The following ZNF385D variants were observed in gnomAD, a reference collection of about 807,000 sequenced individuals.
ZNF385D encodes zinc finger protein 659.
ZNF385D carries 15 observed loss-of-function variants against 35.8 expected under a neutral mutation model. The ratio of observed to expected loss-of-function variants is 0.42; its 90% CI spans 0.28 to 0.64. The LOEUF is 0.64. Ranked by LOEUF, ZNF385D falls within the 30% of genes least tolerant of loss-of-function variation. The probability of loss-of-function intolerance (pLI) is 0.23; values close to 1 mark genes in which losing one functional copy is unlikely to be tolerated. For synonymous variants in ZNF385D, 212 were observed against 186.8 expected (o/e 1.13, Z -1.10); for missense variants, 474 against 494.6 (o/e 0.96, Z 0.39).
chr3:22,014,057 G>A (rs1165286461), intron 3 of ZNF385D, among the ~76,000 whole-genome samples: 1 of 152,102 alleles, frequency 6.6e-6, no homozygotes, highest in Non-Finnish European at 1.5e-5. Context: ...TCAGGAATGG[G>A]AAGAAATCTT....
intron 2 of ZNF385D, among the ~76,000 whole-genome samples, chr3:22,239,033 C>T (rs1044271842): frequency 6.6e-6 from 1 of 150,844 alleles, no homozygotes; most frequent in African/African-American, 2.5e-5. Flanking sequence ...GGATCATAGG[C>T]TTTAGACAAC....
intron 2 of ZNF385D, among the ~76,000 whole-genome samples, chr3:22,256,303 T>C (rs1201288320): frequency 9.3e-5 from 14 of 151,300 alleles, no homozygotes; most frequent in Non-Finnish European, 1.9e-4. Flanking sequence ...CACTAATCTA[T>C]AAGGGTACTT....
Position 21,867,948 on chromosome 3 carries a change from G to C in ZNF385D, c.326-202920C>G, listed in dbSNP as rs567056414. On this transcript the variant is annotated intron_variant, in intron 3 of 5. Transcript: ENST00000494108. ...ATTTAAATTTACACAACCACATATG[G>C]GTAGTGGCCACTATATTGACCAGTA... 3.1e-4 allele frequency among the ~76,000 whole-genome samples: 47 copies of C among 152,138 alleles called. 1 individual carries two copies. The South Asian group carries it at 5.2e-3, about 17-fold the overall frequency.
chr3:22,310,109 G>A (rs1703457301), intron 2 of ZNF385D, among the ~76,000 whole-genome samples: 1 of 151,888 alleles, frequency 6.6e-6, no homozygotes, highest in East Asian at 1.9e-4. Context: ...TGTATTAAGT[G>A]TTTTACAATA....
chr3:21,830,618 G>A (rs1235920517), intron 3 of ZNF385D, among the ~76,000 whole-genome samples: 4 of 151,974 alleles, frequency 2.6e-5, no homozygotes, highest in South Asian at 4.2e-4. Context: ...CTTGTCTGTC[G>A]AAGATGAGAT....
At chr3:22,157,250 T>C (rs143375320) in intron 3 of ZNF385D, among the ~76,000 whole-genome samples, 46 of 152,262 alleles carry the variant, frequency 3.0e-4, no homozygotes, top group African/African-American at 1.0e-3. Flanking sequence ...AATGACTGTA[T>C]CTAAATCATA....
chr3:21,998,090 G>A (rs73135386), intron 3 of ZNF385D, among the ~76,000 whole-genome samples: 31,435 of 151,982 alleles, frequency 0.21, 3,630 homozygotes, highest in Non-Finnish European at 0.27. Context: ...CCAGTGCCAT[G>A]CCAATATACA....
chr3:22,241,759 AC>A (rs941924696), intron 2 of ZNF385D, among the ~76,000 whole-genome samples: 1 of 150,834 alleles, frequency 6.6e-6, no homozygotes, highest in Non-Finnish European at 1.5e-5. Context: ...CCTAAAAAAA[AC>A]CTTTTTTTTC....
At chr3:22,179,817 G>A (rs1375150152) in intron 2 of ZNF385D, among the ~76,000 whole-genome samples, 1 of 152,138 alleles carries the variant, frequency 6.6e-6, no homozygotes, top group Admixed American at 6.5e-5. Context: ...AGCACTAAAT[G>A]CCCACAAGAG....
Position 21,421,097 on chromosome 3 carries a change from G to A in ZNF385D, c.*117C>T. The stretch of plus-strand genomic sequence containing the variant: ...TAACCTTTTCAATTCACTATCAAAA[G>A]TCCTGGCTCTTCAGATATACTTTAA... On this transcript the variant is annotated 3_prime_UTR_variant, in exon 8 of 8. Transcript: ENST00000281523. 8.2e-6 allele frequency: 3 copies of A among 367,200 alleles called. No individual in the cohort carries two copies. Among genetic ancestry groups the A allele is most frequent in the South Asian group, 5.7e-5 (1 of 17,632 alleles). 22.7% of individuals were successfully genotyped at this position (367,200 alleles called of 1,614,324 possible).
chr3:21,751,585 T>C (rs2070090328), upstream of ZNF385D: 1 of 307,950 alleles, frequency 3.2e-6, no homozygotes, highest in Admixed American at 6.5e-5. Flanking sequence ...GATGGTGCCG[T>C]GCTTGCATTC....
intron 2 of ZNF385D, among the ~76,000 whole-genome samples, chr3:22,325,508 A>T (rs1047485233): frequency 3.3e-5 from 5 of 152,208 alleles, no homozygotes; most frequent in African/African-American, 1.2e-4. Flanking sequence ...GCACGCCTAT[A>T]GTCCCAGCAC....
intron 2 of ZNF385D, among the ~76,000 whole-genome samples, chr3:22,336,909 C>CAAAAAAAAAA (rs59822476): frequency 0.15 from 7,286 of 47,904 alleles, 2,747 homozygotes; most frequent in Middle Eastern, 0.23. Context: ...AGTGATTTTT[C>CAAAAAAAAAA]AAAAAAAAAA....
Position 21,882,494 on chromosome 3 carries a change from A to AT in ZNF385D, c.326-217467dup, listed in dbSNP as rs544562392. ...ATAGTACAGTATAAACATAACTTTT[A>AT]TATGCACTAGAAAACAAAAAATGTG... On this transcript the variant is annotated intron_variant, in intron 3 of 5. Transcript: ENST00000494108. 1.5e-4 allele frequency among the ~76,000 whole-genome samples: 23 copies of AT among 152,118 alleles called. No individual in the cohort carries two copies. In the East Asian group the frequency reaches 2.5e-3, roughly 17 times the overall value.
rs187635567 is a variant in ZNF385D, at chr3:21,937,963, C to T, written c.325+230854G>A. ...AAAAATGTCTTTCTTGCAACAGTGTCCAAACTCTTCTATATGGCAGATGTG... is the reference window on the plus strand; with the variant it reads ...AAAAATGTCTTTCTTGCAACAGTGTTCAAACTCTTCTATATGGCAGATGTG... On this transcript the variant is annotated intron_variant, in intron 3 of 5. Coordinates refer to the ZNF385D transcript ENST00000494108. Among the ~76,000 whole-genome samples the T allele has an allele frequency of 2.5e-3, 378 of 152,276 alleles. 1 individual carries two copies. The highest frequency in any genetic ancestry group is 8.7e-3 in the African/African-American group (360 of 41,556).
At chr3:21,782,194 T>C (rs939772452) in intron 3 of ZNF385D, among the ~76,000 whole-genome samples, 1 of 152,130 alleles carries the variant, frequency 6.6e-6, no homozygotes, top group Admixed American at 6.6e-5. Context: ...TGTGCCTATG[T>C]GCCTGTCAGT....
chr3:22,036,628 G>A (rs1330696832), intron 3 of ZNF385D, among the ~76,000 whole-genome samples: 1 of 150,010 alleles, frequency 6.7e-6, no homozygotes, highest in Non-Finnish European at 1.5e-5. Flanking sequence ...CTTACAAATT[G>A]CAAAAACAAG....
chr3:22,114,538 G>C (rs1702712469), intron 3 of ZNF385D, among the ~76,000 whole-genome samples: 3 of 152,058 alleles, frequency 2.0e-5, no homozygotes, highest in Admixed American at 1.3e-4. Context: ...TTAGGGAAGA[G>C]AGACAGGAAA....
intron 4 of ZNF385D, among the ~76,000 whole-genome samples, chr3:21,473,136 C>T (rs978827753): frequency 6.6e-6 from 1 of 152,084 alleles, no homozygotes; most frequent in South Asian, 2.1e-4. Flanking sequence ...CTAACTCCTA[C>T]TTAATCCCCT....
Sources: allele counts gnomAD v4.1 joint callset (sites outside exome capture counted in the v4.1 genomes callset), GRCh38; gene constraint gnomAD v4.1.1; transcripts MANE v1.5; gene names NCBI Gene and HGNC (gene_info 2026-07-23, HGNC 2026-07-21).